ELMOD3: variants seen among roughly 807,000 people sequenced by gnomAD.
ELMOD3 encodes ELMO domain containing 3, also known as ELMO domain-containing protein 3.
ELMOD3 carries 36 observed loss-of-function variants against 47.4 expected under a neutral mutation model. The observed-to-expected ratio is 0.76, with a 90% CI of 0.58 to 1.00. The LOEUF is 1.00. Among genes scored for constraint, ELMOD3 ranks in the 50% least tolerant of loss-of-function variants. The pLI, the probability that ELMOD3 is intolerant of heterozygous loss-of-function variation, is 0.00. For synonymous variants in ELMOD3, 149 were observed against 183.5 expected (o/e 0.81, Z 1.52); for missense variants, 404 against 463.8 (o/e 0.87, Z 1.18).
In ELMOD3 at chr2:85,377,307, G is replaced by A. The variant is rs138012297; in HGVS notation, c.608-37G>A. ...ATGGCAAGCCCTTGAAGCATTGCTC[G>A]CTGCCACACCCTGTTTCCTCACGGT... On this transcript the variant is annotated intron_variant, in intron 10 of 13. Transcript: ENST00000409013. 2.6e-3 allele frequency: 4,057 copies of A among 1,536,248 alleles called. 13 individuals carry two copies. Among genetic ancestry groups the A allele is most frequent in the Non-Finnish European group, 3.1e-3 (3,525 of 1,141,848 alleles).
At chr2:85,369,322 T>C (rs776163741) in intron 7 of ELMOD3, among the ~76,000 whole-genome samples, 1 of 152,322 alleles carries the variant, frequency 6.6e-6, no homozygotes, top group East Asian at 1.9e-4. Flanking sequence ...TAATTCCCTA[T>C]TGGCTATAAC....
At chr2:85,384,586 C>A (rs1176788283) in intron 11 of ELMOD3, among the ~76,000 whole-genome samples, 1 of 152,080 alleles carries the variant, frequency 6.6e-6, no homozygotes, top group African/African-American at 2.4e-5. Flanking sequence ...AGCAATCCCT[C>A]CATTTTATTT....
intron 4 of ELMOD3, chr2:85,361,058 A>ATCC (rs1228667321): frequency 6.6e-6 from 1 of 152,424 alleles, no homozygotes; most frequent in Non-Finnish European, 1.5e-5. Context: ...GGCTCAAGCA[A>ATCC]TCCTCCTGCC....
rs911371562 is a variant in ELMOD3 at position 85,355,540 on chromosome 2, TC to T, written c.-276-14del. On this transcript the variant is annotated splice_polypyrimidine_tract_variant and intron_variant, in intron 2 of 13. Transcript: ENST00000409013. ...TTGTTTAATGGAATTGTTGCTCTTT[TC>T]TTCTCTGCTACAGATAGTAACTGTC... is the stretch of plus-strand genomic sequence containing the variant. The T allele has an allele frequency of 6.6e-6, 1 of 152,216 alleles. No homozygotes were observed. Among genetic ancestry groups the T allele is most frequent in the African/African-American group, 2.4e-5 (1 of 41,460 alleles). 9.4% of individuals were successfully genotyped at this position (152,216 alleles called of 1,614,324 possible).
chr2:85,382,939 G>GAAAAAAAAAA (rs58812415), intron 11 of ELMOD3, among the ~76,000 whole-genome samples: 1 of 118,590 alleles, frequency 8.4e-6, no homozygotes. Flanking sequence ...CCAGAAGCAG[G>GAAAAAAAAAA]AAAAAAAAAA....
At chr2:85,364,138 C>CT (rs869156957) in intron 6 of ELMOD3, among the ~76,000 whole-genome samples, 420 of 118,710 alleles carry the variant, frequency 3.5e-3, no homozygotes, top group Middle Eastern at 7.7e-3. Flanking sequence ...AAAAAATACT[C>CT]TTTTTTTTTT....
chr2:85,360,050 C>T (rs963889376), intron 4 of ELMOD3, among the ~76,000 whole-genome samples: 32 of 151,958 alleles, frequency 2.1e-4, no homozygotes, highest in African/African-American at 6.0e-4. Flanking sequence ...GGCAACAGCG[C>T]GAGACTCTAT....
Position 85,373,282 on chromosome 2 carries a change from T to G in ELMOD3, c.607+1720T>G, listed in dbSNP as rs1451213993. 2.1e-4 allele frequency among the ~76,000 whole-genome samples: 32 copies of G among 152,030 alleles called. 2 individuals are homozygous for G. The highest frequency in any genetic ancestry group is 2.1e-3 in the Admixed American group (32 of 15,250). The stretch of plus-strand genomic sequence containing the variant: ...TTTTAAAAAAAAGATAAAAGGAAAC[T>G]TTATGTACCCCTAATTAACTGGTGG... On this transcript the variant is annotated intron_variant, in intron 10 of 13. Transcript: ENST00000409013.
chr2:85,377,855 T>C (rs561865346), intron 11 of ELMOD3, among the ~76,000 whole-genome samples: 1 of 152,326 alleles, frequency 6.6e-6, no homozygotes, highest in South Asian at 2.1e-4. Flanking sequence ...GACAGGATCA[T>C]TTATAACTTG....
rs771811463 is a variant in ELMOD3, at chr2:85,377,461, G to A, written c.725G>A (p.Arg242His). 2.9e-5 allele frequency: 47 copies of A among 1,607,168 alleles called. No homozygotes were observed. In the South Asian group the frequency reaches 3.8e-4, roughly 13 times the overall value. The change falls in exon 11 of 14, where the codon CGT becomes CAT. Residue 242 changes from arginine (R) to histidine (H), a missense_variant. Arg to His is a conservative substitution (Grantham distance 29). Transcript: ENST00000409013. ...PMAQEIFRLS[R>H]HHIQQFPFCL... ...GCGCAGGAGATTTTCCGCCTGTCTC[G>A]TCACCACATCCAGGTGAGACTTTGG...
chr2:85,371,267 G>A (rs765124410), intron 9 of ELMOD3, 58 bp downstream of exon 9: 18 of 1,613,878 alleles, frequency 1.1e-5, no homozygotes, highest in Non-Finnish European at 1.5e-5. Flanking sequence ...GCAAGACCGT[G>A]TGTGCTGACC....
intron 6 of ELMOD3, among the ~76,000 whole-genome samples, chr2:85,365,299 G>A (rs936123986): frequency 6.6e-6 from 1 of 150,956 alleles, no homozygotes; most frequent in African/African-American, 2.4e-5. Context: ...GTAGTGAACC[G>A]AGATCGCACC....
Position 85,362,693 on chromosome 2 carries a change from C to T in ELMOD3, c.130-404C>T, listed in dbSNP as rs148142265. On this transcript the variant is annotated intron_variant, in intron 5 of 13. Transcript: ENST00000409013. ...CAGCACTTTGGGAGGCTGAGGCAGG[C>T]GGATCACTTGAGGTCAGGAGTTCAA... Among the ~76,000 whole-genome samples the T allele has an allele frequency of 4.3e-3, 658 of 152,138 alleles. 13 individuals are homozygous for T. The East Asian group carries it at 0.063, about 14-fold the overall frequency.
rs149741347 is a variant in ELMOD3, at chr2:85,388,854, G to C, written c.739-897G>C. Reference sequence around the variant, plus strand: ...GTACAGTTCTATACTATAATGTAATGGATTTTTCTTCAACTGGGAAGCAGG... The same window carrying C: ...GTACAGTTCTATACTATAATGTAATCGATTTTTCTTCAACTGGGAAGCAGG... On this transcript the variant is annotated intron_variant, in intron 11 of 13. Transcript: ENST00000409013. Among the ~76,000 whole-genome samples the C allele has an allele frequency of 2.0e-3, 306 of 152,292 alleles. 3 individuals are homozygous for C. The highest frequency in any genetic ancestry group is 7.1e-3 in the African/African-American group (293 of 41,552).
chr2:85,384,144 G>A (rs777407873), intron 11 of ELMOD3, among the ~76,000 whole-genome samples: 2 of 152,242 alleles, frequency 1.3e-5, no homozygotes, highest in Non-Finnish European at 2.9e-5. Context: ...TCAGATATGC[G>A]TTTATCTCAG....
intron 6 of ELMOD3, among the ~76,000 whole-genome samples, chr2:85,366,453 T>G (rs1684392799): frequency 6.6e-6 from 1 of 152,184 alleles, no homozygotes; most frequent in South Asian, 2.1e-4. Flanking sequence ...AAGGTCCAGA[T>G]ATTTAGGACC....
rs146109628 is a variant in ELMOD3, at chr2:85,354,830, G to A, written c.-372+1G>A. On this transcript the variant is annotated splice_donor_variant, in intron 1 of 13. Coordinates refer to ENST00000409013, the MANE Select transcript of ELMOD3 (RefSeq NM_001135022.2). LOFTEE classifies it low-confidence loss of function (5UTR_SPLICE). ...CCAAGTTTGGAAAGCTCTTTTAACG[G>A]TGAGAACGCGTTAACACTTGCCAAG... 4.8e-4 allele frequency: 124 copies of A among 256,506 alleles called. No homozygotes were observed. The highest frequency in any genetic ancestry group is 2.7e-3 in the African/African-American group (120 of 44,210). The allele number at this position is 256,506 out of a possible 1,614,324, so 15.9% of individuals were successfully genotyped here.
intron 11 of ELMOD3, among the ~76,000 whole-genome samples, chr2:85,382,619 G>A (rs529411912): frequency 2.0e-5 from 3 of 151,004 alleles, no homozygotes; most frequent in Admixed American, 1.3e-4. Flanking sequence ...GAGTTCAAGT[G>A]ATTCTTCTGC....
chr2:85,389,705 CAGTG>C (rs769403861), intron 11 of ELMOD3, 42 bp from the exon 12 acceptor site: 5 of 1,552,592 alleles, frequency 3.2e-6, no homozygotes, highest in Admixed American at 1.7e-5. Context: ...ACAGGAAACA[CAGTG>C]AGAGCTGGAG....
Sources: allele counts gnomAD v4.1 joint callset (sites outside exome capture counted in the v4.1 genomes callset), GRCh38; gene constraint gnomAD v4.1.1; transcripts MANE v1.5; gene names NCBI Gene and HGNC (gene_info 2026-07-23, HGNC 2026-07-21).